Variants in CLIC5 observed in about 807,000 individuals in gnomAD.
CLIC5 encodes the protein CLIC family member 5.
Under a neutral mutation model 24.7 loss-of-function variants are expected in CLIC5, and 20 were observed. The observed-to-expected ratio is 0.81, with a 90% CI of 0.57 to 1.18. CLIC5 has a LOEUF of 1.18. Ranked by LOEUF, CLIC5 falls within the 50% of genes most tolerant of loss-of-function variation. The pLI, the probability that CLIC5 is intolerant of heterozygous loss-of-function variation, is 0.00. For synonymous variants in CLIC5, 159 were observed against 135.6 expected (o/e 1.17, Z -1.20); for missense variants, 341 against 326.1 (o/e 1.05, Z -0.35).
At chr6:45,975,869 T>A (rs990383933) in intron 1 of CLIC5, among the ~76,000 whole-genome samples, 2 of 152,204 alleles carry the variant, frequency 1.3e-5, no homozygotes, top group African/African-American at 4.8e-5. Flanking sequence ...GCTTAATTTA[T>A]GTTGTAAATT....
At chr6:46,043,133 G>T (rs1767856899) in intron 1 of CLIC5, among the ~76,000 whole-genome samples, 1 of 152,104 alleles carries the variant, frequency 6.6e-6, no homozygotes, top group African/African-American at 2.4e-5. Flanking sequence ...CAACAGAGTT[G>T]GTTGCAGTTA....
intron 1 of CLIC5, among the ~76,000 whole-genome samples, chr6:46,062,963 CCT>C (rs1762330004): frequency 6.6e-6 from 1 of 152,164 alleles, no homozygotes; most frequent in Non-Finnish European, 1.5e-5. Context: ...CATCTGTTTC[CCT>C]GTTTTCTCAT....
chr6:45,906,668 T>G (rs1021111433), intron 5 of CLIC5, among the ~76,000 whole-genome samples: 3 of 152,068 alleles, frequency 2.0e-5, no homozygotes, highest in Non-Finnish European at 4.4e-5. Flanking sequence ...ATTCAAGCGA[T>G]TCTCCTGCCT....
intron 1 of CLIC5, among the ~76,000 whole-genome samples, chr6:46,077,833 T>C (rs1562040418): frequency 6.6e-6 from 1 of 152,244 alleles, no homozygotes; most frequent in Non-Finnish European, 1.5e-5. Flanking sequence ...TCAATCAATT[T>C]TCCCTGTTGC....
At chr6:46,018,747 G>A (rs924746373), upstream of CLIC5, 1 of 152,160 alleles carries the variant, frequency 6.6e-6, no homozygotes, top group African/African-American at 2.4e-5. Flanking sequence ...CACATTTAGT[G>A]CTCACTTTGG....
At chr6:45,881,749 A>G (rs1272062788) in intron 6 of CLIC5, among the ~76,000 whole-genome samples, 4 of 152,210 alleles carry the variant, frequency 2.6e-5, no homozygotes, top group South Asian at 2.1e-4. Context: ...TTTCTCTCCC[A>G]GAAGACTTTG....
In CLIC5 at chr6:46,037,890, C is replaced by A. The variant is rs182538904; in HGVS notation, c.540+41813G>T. 5.4e-3 allele frequency among the ~76,000 whole-genome samples: 829 copies of A among 152,140 alleles called. 14 individuals are homozygous for A. The highest frequency in any genetic ancestry group is 0.029 in the Admixed American group (446 of 15,278). On this transcript the variant is annotated intron_variant, in intron 1 of 5. Coordinates refer to the CLIC5 transcript ENST00000185206. ...TATTTGGTTACAGGTAGGGATTCAC[C>A]AAAAGACATTTTGCTGTGTGGGTGG...
intron 2 of CLIC5, among the ~76,000 whole-genome samples, 161 bp from the exon 3 acceptor site, chr6:45,949,542 A>G (rs1764404088): frequency 1.3e-5 from 2 of 152,202 alleles, no homozygotes; most frequent in South Asian, 4.1e-4. Context: ...GGTTGGAGAA[A>G]GTTCTGAAAG....
chr6:45,913,199 G>T (rs936843858), intron 5 of CLIC5, among the ~76,000 whole-genome samples: 5 of 152,286 alleles, frequency 3.3e-5, no homozygotes, highest in Admixed American at 1.3e-4. Flanking sequence ...ACTTTAAAAA[G>T]TTCCTTTCCT....
intron 4 of CLIC5, among the ~76,000 whole-genome samples, chr6:45,937,222 A>G (rs77710359): frequency 0.021 from 3,218 of 152,326 alleles, 124 homozygotes; most frequent in African/African-American, 0.074. Context: ...GGGGGAAGCA[A>G]GAGCTGAAGC....
In CLIC5 at chr6:45,992,648, G is replaced by A. The variant is rs183776777; in HGVS notation, c.63+22832C>T. 3.0e-3 allele frequency among the ~76,000 whole-genome samples: 457 copies of A among 152,240 alleles called. 1 individual carries two copies. The highest frequency in any genetic ancestry group is 9.7e-3 in the African/African-American group (402 of 41,528). On this transcript the variant is annotated intron_variant, in intron 1 of 5. Transcript: ENST00000339561. ...GAAATACCTGTGTATTTACACTCCA[G>A]TATATCTGCTGTAAGTCTGTATCAG...
the CLIC5 span, among the ~76,000 whole-genome samples, chr6:46,119,590 G>A: frequency 6.6e-6 from 1 of 152,218 alleles, no homozygotes; most frequent in Non-Finnish European, 1.5e-5. Flanking sequence ...GTGGGTGCAG[G>A]ACAGTGGGTG....
chr6:45,979,015 G>T (rs1765479928), intron 1 of CLIC5, among the ~76,000 whole-genome samples: 1 of 151,274 alleles, frequency 6.6e-6, no homozygotes, highest in African/African-American at 2.4e-5. Context: ...GAGCTCAACA[G>T]CCAGAGTTTG....
chr6:45,935,865 T>C (rs1025074438), intron 4 of CLIC5, among the ~76,000 whole-genome samples: 2 of 152,184 alleles, frequency 1.3e-5, no homozygotes, highest in African/African-American at 4.8e-5. Context: ...TTCAGGGAGC[T>C]GCACATAGCA....
intron 1 of CLIC5, among the ~76,000 whole-genome samples, chr6:45,979,977 G>T (rs1581819474): frequency 5.5e-5 from 5 of 91,484 alleles, no homozygotes; most frequent in South Asian, 3.8e-4. Context: ...TTTTGCCAAG[G>T]TTGATGTCTA....
intron 1 of CLIC5, among the ~76,000 whole-genome samples, chr6:45,967,920 C>A (rs1765070642): frequency 6.6e-6 from 1 of 152,172 alleles, no homozygotes. Context: ...GATCCAAACA[C>A]CTCCCACCAG....
At chr6:45,944,445 G>C (rs976725661) in intron 3 of CLIC5, among the ~76,000 whole-genome samples, 1 of 146,360 alleles carries the variant, frequency 6.8e-6, no homozygotes, top group Non-Finnish European at 1.5e-5. Context: ...GCTAACTCCT[G>C]ATCTAACTGA....
the CLIC5 span, among the ~76,000 whole-genome samples, chr6:46,098,401 G>A: frequency 6.6e-6 from 1 of 152,182 alleles, no homozygotes; most frequent in East Asian, 1.9e-4. Flanking sequence ...ACTAGTAAAT[G>A]AAAATGCTAC....
chr6:45,933,614 A>G (rs986008716), intron 4 of CLIC5, among the ~76,000 whole-genome samples: 18 of 152,354 alleles, frequency 1.2e-4, no homozygotes, highest in African/African-American at 3.8e-4. Flanking sequence ...GACATCTCAG[A>G]GTCTTCCATA....
Sources: gnomAD v4.1 joint callset for allele counts (sites outside exome capture counted in the v4.1 genomes callset) on GRCh38, gnomAD v4.1.1 for gene constraint, MANE v1.5 for transcripts, NCBI Gene and HGNC (gene_info 2026-07-23, HGNC 2026-07-21) for gene names.